The following DCDC2 variants were observed in gnomAD, a reference collection of about 807,000 sequenced individuals.
DCDC2 encodes doublecortin domain containing 2.
Under a neutral mutation model 50.2 loss-of-function variants are expected in DCDC2, and 40 were observed. The observed-to-expected ratio is 0.80, with a 90% CI of 0.62 to 1.04. The LOEUF is 1.04. DCDC2 is among the 50% of genes least tolerant of loss of function. DCDC2 has a pLI of 0.00. For missense variants in DCDC2, 570 were observed against 581.9 expected (o/e 0.98, Z 0.21); for synonymous variants, 234 against 210.6 (o/e 1.11, Z -0.96).
chr6:24,184,353 A>C (rs2792673), intron 8 of DCDC2, among the ~76,000 whole-genome samples: 147,706 of 152,112 alleles, frequency 0.97, 71,722 homozygotes, highest in East Asian at 1. Flanking sequence ...AGGAGGATTA[A>C]CTGAGCTCGG....
chr6:24,238,054 G>C (rs934191283), intron 7 of DCDC2, among the ~76,000 whole-genome samples: 3 of 126,756 alleles, frequency 2.4e-5, no homozygotes, highest in African/African-American at 8.7e-5. Context: ...ACCTGCACAT[G>C]TGCACCTGAA....
chr6:24,274,397 G>T (rs1017854257), intron 7 of DCDC2, among the ~76,000 whole-genome samples: 4 of 152,122 alleles, frequency 2.6e-5, no homozygotes, highest in African/African-American at 9.7e-5. Context: ...AACTCAAGTG[G>T]AAAGTGTAAC....
At position 24,357,999 on chromosome 6, in the gene DCDC2, C is replaced by G. The variant is rs1311350335; in HGVS notation, c.-249G>C. ...GTGGCGTGCACAGCCAATCAGGACC[C>G]GCAGTGCGCGCACCACACCAGGTTC... On this transcript the variant is annotated 5_prime_UTR_variant, in exon 1 of 10. Coordinates refer to ENST00000378454, the MANE Select transcript of DCDC2 (RefSeq NM_016356.5). 4 of 1,348,332 alleles carry G rather than the reference C, an allele frequency of 3.0e-6. No individual in the cohort carries two copies. The highest frequency in any genetic ancestry group is 1.5e-5 in the African/African-American group (1 of 67,960). 83.5% of individuals were successfully genotyped at this position (1,348,332 alleles called of 1,614,324 possible). A position where few individuals can be genotyped will look rare whatever the true frequency, so the allele number is the denominator to read the frequency against.
At chr6:24,324,580 T>C (rs1759826074) in intron 2 of DCDC2, among the ~76,000 whole-genome samples, 1 of 152,114 alleles carries the variant, frequency 6.6e-6, no homozygotes, top group South Asian at 2.1e-4. Flanking sequence ...GGGTAGCTCA[T>C]CAAAGAGCTA....
At chr6:24,268,617 G>A (rs1001321664) in intron 7 of DCDC2, among the ~76,000 whole-genome samples, 3 of 151,952 alleles carry the variant, frequency 2.0e-5, no homozygotes, top group Non-Finnish European at 4.4e-5. Flanking sequence ...TGTCGCCCAG[G>A]TTGGAATACA....
chr6:24,254,472 TACA>T (rs1012145044), intron 7 of DCDC2, among the ~76,000 whole-genome samples: 12 of 152,168 alleles, frequency 7.9e-5, no homozygotes, highest in Admixed American at 7.9e-4. Flanking sequence ...TTATGATGGC[TACA>T]ACATCACTAG....
intron 2 of DCDC2, among the ~76,000 whole-genome samples, chr6:24,308,064 C>T (rs949224500): frequency 6.6e-6 from 1 of 152,190 alleles, no homozygotes; most frequent in Non-Finnish European, 1.5e-5. Flanking sequence ...CAAGGAAACC[C>T]AGATGCAGAG....
upstream of DCDC2, among the ~76,000 whole-genome samples, chr6:24,359,775 G>C (rs150137695): frequency 7.4e-6 from 1 of 134,298 alleles, no homozygotes; most frequent in Non-Finnish European, 1.7e-5. Flanking sequence ...ACATTTAAGT[G>C]AATGAATGAA....
chr6:24,305,507 T>C (rs1452947282), intron 2 of DCDC2, among the ~76,000 whole-genome samples: 4 of 152,156 alleles, frequency 2.6e-5, no homozygotes, highest in Non-Finnish European at 5.9e-5. Context: ...TAAAATGCAT[T>C]TTTAGCAGGC....
chr6:24,186,139 T>C (rs1488654806), intron 8 of DCDC2, among the ~76,000 whole-genome samples: 1 of 152,242 alleles, frequency 6.6e-6, no homozygotes, highest in Non-Finnish European at 1.5e-5. Flanking sequence ...GTAATACGAA[T>C]GTACAAACAA....
At chr6:24,339,327 T>C (rs1437250612) in intron 2 of DCDC2, among the ~76,000 whole-genome samples, 1 of 152,094 alleles carries the variant, frequency 6.6e-6, no homozygotes, top group Non-Finnish European at 1.5e-5. Context: ...ACACTTCGGA[T>C]AGCTTGCGTA....
intron 7 of DCDC2, among the ~76,000 whole-genome samples, chr6:24,247,048 A>G (rs749974896): frequency 1.3e-5 from 2 of 152,216 alleles, no homozygotes; most frequent in African/African-American, 4.8e-5. Flanking sequence ...GCTAAGACTC[A>G]GGCTGGTCTT....
chr6:24,330,870 G>A (rs577390296), intron 2 of DCDC2, among the ~76,000 whole-genome samples: 3 of 152,182 alleles, frequency 2.0e-5, no homozygotes, highest in Non-Finnish European at 4.4e-5. Flanking sequence ...TGCCAAAAAG[G>A]CTTAAATTGC....
intron 7 of DCDC2, among the ~76,000 whole-genome samples, chr6:24,228,206 G>C (rs1762271227): frequency 6.6e-6 from 1 of 152,180 alleles, no homozygotes; most frequent in Non-Finnish European, 1.5e-5. Context: ...GCTTCTTTTT[G>C]GAATCTGGAA....
At chr6:24,178,760 C>A in intron 8 of DCDC2, 128 bp from the exon 9 acceptor site, 2 of 926,506 alleles carry the variant, frequency 2.2e-6, no homozygotes, top group Non-Finnish European at 3.2e-6. Flanking sequence ...TAGTACTTTA[C>A]AGTATAGAAC....
intron 8 of DCDC2, among the ~76,000 whole-genome samples, chr6:24,187,435 C>T (rs140010133): frequency 1.5e-3 from 224 of 152,054 alleles, no homozygotes; most frequent in African/African-American, 5.2e-3. Context: ...CTCAGGTGGC[C>T]GTCACTCCTC....
rs997128619 is a variant in DCDC2 at position 24,358,007 on chromosome 6, G to T, written c.-257C>A. 169 of 1,325,872 alleles carry T rather than the reference G, an allele frequency of 1.3e-4. No individual in the cohort carries two copies. Among genetic ancestry groups the T allele is most frequent in the Non-Finnish European group, 1.3e-4 (129 of 987,190 alleles). The allele number at this position is 1,325,872 out of a possible 1,614,324, so 82.1% of individuals were successfully genotyped here. ...CACAGCCAATCAGGACCCGCAGTGCGCGCACCACACCAGGTTCACCTGCTA... is the reference window on the plus strand; with the variant it reads ...CACAGCCAATCAGGACCCGCAGTGCTCGCACCACACCAGGTTCACCTGCTA... On this transcript the variant is annotated 5_prime_UTR_variant, in exon 1 of 10. Coordinates refer to ENST00000378454, the MANE Select transcript of DCDC2 (RefSeq NM_016356.5).
At chr6:24,189,089 G>A (rs991528663) in intron 8 of DCDC2, among the ~76,000 whole-genome samples, 2 of 151,906 alleles carry the variant, frequency 1.3e-5, no homozygotes, top group South Asian at 2.1e-4. Context: ...TTTTCTCCTC[G>A]ACACCAGCGT....
At chr6:24,190,060 G>A (rs1269821855) in intron 8 of DCDC2, among the ~76,000 whole-genome samples, 1 of 142,460 alleles carries the variant, frequency 7.0e-6, no homozygotes, top group Non-Finnish European at 1.5e-5. Context: ...GCTTTCAGAG[G>A]CTTACTTTCA....
Sources: allele counts gnomAD v4.1 joint callset (sites outside exome capture counted in the v4.1 genomes callset), GRCh38; gene constraint gnomAD v4.1.1; transcripts MANE v1.5; gene names NCBI Gene and HGNC (gene_info 2026-07-23, HGNC 2026-07-21).